CHODL: variants seen among roughly 807,000 people sequenced by gnomAD.
The protein encoded by CHODL is chondrolectin, also known as transmembrane protein MT75.
CHODL carries 29 observed loss-of-function variants against 34.5 expected under a neutral mutation model. That is an observed-to-expected ratio of 0.84 (90% CI 0.63 to 1.15). The LOEUF is 1.15. Among genes scored for constraint, CHODL ranks in the 50% most tolerant of loss-of-function variants. The pLI is 0.00. For synonymous variants in CHODL, 125 were observed against 116.1 expected (o/e 1.08, Z -0.49); for missense variants, 332 against 332.5 (o/e 1.00, Z 0.01).
At chr21:18,028,572 G>T (rs2064210756) in intron 2 of CHODL, among the ~76,000 whole-genome samples, 1 of 151,542 alleles carries the variant, frequency 6.6e-6, no homozygotes, top group Non-Finnish European at 1.5e-5. Flanking sequence ...GGTGGCAGGT[G>T]CTTGTAATCC....
intron 2 of CHODL, among the ~76,000 whole-genome samples, chr21:18,071,146 AT>A (rs10634402): frequency 0.056 from 6,280 of 112,488 alleles, 197 homozygotes; most frequent in African/African-American, 0.15. Context: ...TAACTACAGC[AT>A]TTTTTTTTTT....
intron 2 of CHODL, among the ~76,000 whole-genome samples, chr21:18,220,066 T>G (rs1209540868): frequency 1.3e-5 from 2 of 152,208 alleles, no homozygotes; most frequent in Admixed American, 1.3e-4. Context: ...GAGCTTCAGG[T>G]CTTACATTTA....
chr21:17,987,850 T>G (rs186564560), intron 1 of CHODL, among the ~76,000 whole-genome samples: 230 of 152,280 alleles, frequency 1.5e-3, no homozygotes, highest in African/African-American at 5.2e-3. Context: ...CTATTATGTA[T>G]TTAATGTGAA....
intron 2 of CHODL, among the ~76,000 whole-genome samples, chr21:18,132,496 CTT>C (rs928610736): frequency 5.2e-4 from 79 of 152,220 alleles, no homozygotes; most frequent in African/African-American, 1.9e-3. Context: ...AAAGTTCAAA[CTT>C]TATTGTTTTA....
intron 2 of CHODL, among the ~76,000 whole-genome samples, chr21:18,144,140 T>G (rs964468676): frequency 1.3e-5 from 2 of 152,150 alleles, no homozygotes; most frequent in Admixed American, 6.5e-5. Flanking sequence ...AGGCTTGATA[T>G]ACATGTTTAT....
chr21:18,079,478 T>TAC (rs1255949659), intron 2 of CHODL, among the ~76,000 whole-genome samples: 17 of 148,606 alleles, frequency 1.1e-4, no homozygotes, highest in Non-Finnish European at 2.4e-4. Flanking sequence ...CACATATATA[T>TAC]ACCATATTAC....
rs527603632 is a variant in CHODL at position 18,171,326 on chromosome 21, C to T, written c.-44-85183C>T. 3.4e-5 allele frequency among the ~76,000 whole-genome samples: 5 copies of T among 147,348 alleles called. No individual in the cohort carries two copies. In the East Asian group the frequency reaches 1.0e-3, roughly 29 times the overall value. On this transcript the variant is annotated intron_variant, in intron 2 of 6. Transcript: ENST00000400127. ...GGTTCACGCCATTCTCCTGCCTCAG[C>T]CTCCCGAGTAGCTGGGACTACAGGC... is the stretch of plus-strand genomic sequence containing the variant.
At chr21:18,004,317 T>A (rs2063939511) in intron 1 of CHODL, among the ~76,000 whole-genome samples, 1 of 152,234 alleles carries the variant, frequency 6.6e-6, no homozygotes, top group Admixed American at 6.5e-5. Flanking sequence ...AAAGAAGGTT[T>A]TAGCCTCTAT....
At chr21:18,260,431 T>G (rs2146821210) in intron 4 of CHODL, 145 bp downstream of exon 4, 1 of 519,986 alleles carries the variant, frequency 1.9e-6, no homozygotes, top group South Asian at 2.6e-5. Context: ...TTGAACTAGG[T>G]TAGAAAAAAT....
At chr21:18,185,764 G>C (rs1455880126) in intron 2 of CHODL, among the ~76,000 whole-genome samples, 1 of 152,180 alleles carries the variant, frequency 6.6e-6, no homozygotes, top group African/African-American at 2.4e-5. Context: ...CCAAGATCAA[G>C]GCACCAACAG....
chr21:17,962,988 C>T lies in CHODL; in HGVS notation c.-145+45588C>T, dbSNP rs557605664. ...ATGAGGCAGGAGAATGGCATGAACC[C>T]GGGAGGCGGAGCTTGCAGTGAGCTG... On this transcript the variant is annotated intron_variant, in intron 1 of 6. Coordinates refer to the CHODL transcript ENST00000400127. Among the ~76,000 whole-genome samples the T allele has an allele frequency of 2.6e-4, 39 of 151,478 alleles. No individual in the cohort carries two copies. The East Asian group carries it at 5.2e-3, about 20-fold the overall frequency.
At chr21:18,041,592 C>T (rs2064376466) in intron 2 of CHODL, among the ~76,000 whole-genome samples, 1 of 151,740 alleles carries the variant, frequency 6.6e-6, no homozygotes, top group African/African-American at 2.4e-5. Context: ...AAAGTCTAAG[C>T]ACAATATATG....
chr21:17,968,455 G>A (rs1169145669), intron 1 of CHODL, among the ~76,000 whole-genome samples: 1 of 152,154 alleles, frequency 6.6e-6, no homozygotes, highest in African/African-American at 2.4e-5. Flanking sequence ...CTTGTTTGGA[G>A]TTGGTCTCTG....
At position 18,246,606 on chromosome 21, in the gene CHODL, T is replaced by C. The variant is rs144710727; in HGVS notation, c.79+1304T>C. ...CAAAGAAAAAATTCATTATATAGAC[T>C]CATCTGATTTTGTGAATTACTTATC... On this transcript the variant is annotated intron_variant, in intron 1 of 5. Transcript: ENST00000299295. Among the ~76,000 whole-genome samples, 1,069 of 152,290 alleles carry C rather than the reference T, an allele frequency of 7.0e-3. 18 individuals carry two copies. The highest frequency in any genetic ancestry group is 0.024 in the African/African-American group (1,003 of 41,548).
At chr21:18,124,088 A>G (rs1250140924) in intron 2 of CHODL, among the ~76,000 whole-genome samples, 3 of 152,112 alleles carry the variant, frequency 2.0e-5, no homozygotes, top group Non-Finnish European at 2.9e-5. Context: ...AAGGCAGAAA[A>G]AAAAATACTA....
chr21:18,145,902 T>C (rs1483291880), intron 2 of CHODL, among the ~76,000 whole-genome samples: 1 of 152,210 alleles, frequency 6.6e-6, no homozygotes, highest in African/African-American at 2.4e-5. Flanking sequence ...GGAGTTAAAT[T>C]GTGCACATCA....
intron 1 of CHODL, among the ~76,000 whole-genome samples, chr21:17,933,696 T>C (rs1018893198): frequency 5.9e-5 from 9 of 152,136 alleles, no homozygotes; most frequent in Non-Finnish European, 1.3e-4. Flanking sequence ...AAATACTACA[T>C]GTTCTCACTT....
At chr21:18,204,118 TAATTA>T (rs2073686226) in intron 2 of CHODL, among the ~76,000 whole-genome samples, 1 of 152,102 alleles carries the variant, frequency 6.6e-6, no homozygotes, top group African/African-American at 2.4e-5. Context: ...AGTAACAAAT[TAATTA>T]AAGTCTATTG....
intron 2 of CHODL, among the ~76,000 whole-genome samples, chr21:18,048,690 T>C (rs999309347): frequency 3.3e-5 from 5 of 151,964 alleles, no homozygotes; most frequent in South Asian, 2.1e-4. Flanking sequence ...ATGCTTTCAA[T>C]TGAGGAATAA....
Sources: gnomAD v4.1 joint callset for allele counts (sites outside exome capture counted in the v4.1 genomes callset) on GRCh38, gnomAD v4.1.1 for gene constraint, MANE v1.5 for transcripts, NCBI Gene and HGNC (gene_info 2026-07-23, HGNC 2026-07-21) for gene names.